The following GFI1B variants were observed in gnomAD, a reference collection of about 807,000 sequenced individuals.
GFI1B encodes the protein zinc finger protein Gfi-1b.
Under a neutral mutation model 35.3 loss-of-function variants are expected in GFI1B, and 20 were observed. The observed-to-expected ratio is 0.57, with a 90% CI of 0.40 to 0.82. The LOEUF (loss-of-function observed/expected upper bound fraction) is 0.82, where lower values mean the gene tolerates loss of function less well. GFI1B is among the 40% of genes least tolerant of loss of function. The pLI is 0.00. For synonymous variants in GFI1B, 178 were observed against 177.6 expected, an observed-to-expected ratio of 1.00 and a Z score of -0.02; for missense variants, 430 against 446.3, an observed-to-expected ratio of 0.96 and a Z score of 0.33.
chr9:132,983,821 G>A (rs917371969), intron 1 of GFI1B, among the ~76,000 whole-genome samples: 33 of 152,222 alleles, frequency 2.2e-4, no homozygotes, highest in Non-Finnish European at 4.1e-4. Flanking sequence ...ATTCTGCACC[G>A]AGTAACTGCC....
upstream of GFI1B, chr9:132,978,393 A>T (rs1008536652): frequency 6.6e-6 from 1 of 152,242 alleles, no homozygotes. Context: ...ATCGAGTTTT[A>T]TAAGTTAGAG....
At chr9:132,958,465 C>A (rs1269839744) in intron 1 of GFI1B, among the ~76,000 whole-genome samples, 1 of 152,126 alleles carries the variant, frequency 6.6e-6, no homozygotes, top group African/African-American at 2.4e-5. Flanking sequence ...ATAGAGAAAG[C>A]AAGAGCAAGA....
At chr9:132,970,007 T>C (rs1848509118) in intron 1 of GFI1B, among the ~76,000 whole-genome samples, 1 of 152,126 alleles carries the variant, frequency 6.6e-6, no homozygotes, top group African/African-American at 2.4e-5. Context: ...CTGGTGTTGA[T>C]TCCCCCACCT....
At chr9:132,983,265 C>T (rs950561186) in intron 1 of GFI1B, among the ~76,000 whole-genome samples, 9 of 138,296 alleles carry the variant, frequency 6.5e-5, no homozygotes, top group African/African-American at 1.7e-4. Flanking sequence ...GGTGTGATCT[C>T]GGCTCACTGC....
chr9:132,950,475 G>C (rs1289550158), intron 1 of GFI1B, among the ~76,000 whole-genome samples: 1 of 151,244 alleles, frequency 6.6e-6, no homozygotes, highest in Non-Finnish European at 1.5e-5. Context: ...GGATAAGAGG[G>C]CCCTTGAAAC....
At chr9:132,957,369 A>T (rs1172341052) in intron 1 of GFI1B, among the ~76,000 whole-genome samples, 1 of 152,260 alleles carries the variant, frequency 6.6e-6, no homozygotes, top group East Asian at 1.9e-4. Context: ...AGCAGCTATG[A>T]GGAGTTGCTA....
At chr9:132,945,812 AGGC>A (rs1412524638) in intron 1 of GFI1B, 9 of 153,802 alleles carry the variant, frequency 5.9e-5, no homozygotes, top group Admixed American at 3.3e-4. Flanking sequence ...AGGCCATTCC[AGGC>A]AGAGGGAACC....
At chr9:132,986,804 T>G in intron 2 of GFI1B, 26 bp downstream of exon 2, 2 of 1,433,928 alleles carry the variant, frequency 1.4e-6, no homozygotes, top group Non-Finnish European at 1.9e-6. Context: ...GGCTGGCGCC[T>G]GCTGCACCCA....
chr9:132,989,988 G>C lies in GFI1B; in HGVS notation c.814+81G>C, dbSNP rs528479020. 18 of 1,249,676 alleles carry C rather than the reference G, an allele frequency of 1.4e-5. No individual in the cohort carries two copies. The highest frequency in any genetic ancestry group is 3.7e-5 in the Admixed American group (2 of 53,422). 77.4% of individuals were successfully genotyped at this position (1,249,676 alleles called of 1,614,324 possible). A position where few individuals can be genotyped will look rare whatever the true frequency, so the allele number is the denominator to read the frequency against. On this transcript the variant is annotated intron_variant, in intron 6 of 6. Transcript: ENST00000372122. The surrounding 1 kb of genome is among the most constrained non-coding windows in gnomAD (Gnocchi z 6.2). Reference sequence around the variant, plus strand: ...GAGAGATGCATCAGAGGCCCCCAGCGTGAGGCTGGGGGCGGGGTCTAGTTA... The same window carrying C: ...GAGAGATGCATCAGAGGCCCCCAGCCTGAGGCTGGGGGCGGGGTCTAGTTA...
chr9:132,969,278 G>T lies in GFI1B; in HGVS notation c.-700-3447G>T, dbSNP rs571124912. On this transcript the variant is annotated intron_variant, in intron 1 of 10. Coordinates refer to the GFI1B transcript ENST00000339463. Reference sequence around the variant, plus strand: ...GCTCCAGACCTCAGGAGATCCGCCTGCCTCAGCCTCCCAAAGTGCTGGGAT... The same window carrying T: ...GCTCCAGACCTCAGGAGATCCGCCTTCCTCAGCCTCCCAAAGTGCTGGGAT... 1.7e-4 allele frequency among the ~76,000 whole-genome samples: 26 copies of T among 152,290 alleles called. No homozygotes were observed. The South Asian group carries it at 5.4e-3, about 32-fold the overall frequency.
In GFI1B at chr9:132,990,955, G is replaced by A; in HGVS notation, c.898G>A (p.Gly300Ser). Reference protein sequence around the residue: ...NLITHSRKHTGFKPFSCELCT... With the variant: ...NLITHSRKHTSFKPFSCELCT... Reference sequence around the variant, plus strand: ...CATCACCCACAGCCGCAAGCACACAGGCTTCAAGCCCTTCAGCTGTGAGCT... The same window carrying A: ...CATCACCCACAGCCGCAAGCACACAAGCTTCAAGCCCTTCAGCTGTGAGCT... The change falls in exon 7 of 7, where the codon GGC (glycine) becomes AGC (serine). Residue 300 changes from glycine (G) to serine (S), a missense_variant. Transcript: ENST00000372122. The A allele has an allele frequency of 6.2e-7, 1 of 1,614,212 alleles. No individual in the cohort carries two copies. Among genetic ancestry groups the A allele is most frequent in the Non-Finnish European group, 8.5e-7 (1 of 1,180,016 alleles).
At chr9:132,965,874 A>C (rs1033090086) in intron 1 of GFI1B, among the ~76,000 whole-genome samples, 3 of 152,260 alleles carry the variant, frequency 2.0e-5, no homozygotes, top group Admixed American at 6.5e-5. Flanking sequence ...CACAGGAGCC[A>C]TAAAATAGAA....
downstream of GFI1B, among the ~76,000 whole-genome samples, chr9:132,992,707 C>G (rs897443915): frequency 6.6e-6 from 1 of 152,098 alleles, no homozygotes; most frequent in Non-Finnish European, 1.5e-5. Context: ...CCTCTGATAC[C>G]GAGCAACTCA....
chr9:132,984,829 A>C (rs1225077559), intron 1 of GFI1B, among the ~76,000 whole-genome samples: 1 of 152,082 alleles, frequency 6.6e-6, no homozygotes, highest in Non-Finnish European at 1.5e-5. Flanking sequence ...GCCAGGGGGA[A>C]GCAGGCCTGG....
Position 132,991,073 on chromosome 9 carries a change from T to TGGCCA in GFI1B, c.*25_*29dup. The TGGCCA allele has an allele frequency of 6.2e-7, 1 of 1,608,012 alleles. No individual in the cohort carries two copies. The highest frequency in any genetic ancestry group is 8.5e-7 in the Non-Finnish European group (1 of 1,177,594). On this transcript the variant is annotated 3_prime_UTR_variant, in exon 7 of 7. Transcript: ENST00000372122. ...TGAGGCTGCGCCGGCTCCCAGCTCC[T>TGGCCA]GGCCAGCCTGCCCTGCGGTCCTGTC...
chr9:132,949,357 A>T lies in GFI1B; in HGVS notation c.-701+3688A>T, dbSNP rs76720749. ...CACACACACATACACACACACACAC[A>T]CCCCCAACCCCCTGATTGGACCTGG... is the stretch of plus-strand genomic sequence containing the variant. On this transcript the variant is annotated intron_variant, in intron 1 of 10. Coordinates refer to the GFI1B transcript ENST00000339463. 3.3e-4 allele frequency among the ~76,000 whole-genome samples: 49 copies of T among 149,896 alleles called. No homozygotes were observed. The East Asian group carries it at 9.2e-3, about 28-fold the overall frequency.
At chr9:132,987,195 C>G (rs1350812331) in intron 2 of GFI1B, 87 bp from the exon 3 acceptor site, 7 of 1,405,074 alleles carry the variant, frequency 5.0e-6, no homozygotes, top group South Asian at 3.7e-5. Context: ...TGGGCCTCCT[C>G]CTCCTAGGAA....
rs1849286721 is a variant in GFI1B at position 132,991,322 on chromosome 9, A to T, written c.*272A>T. 1 of 512,066 alleles carries T rather than the reference A, an allele frequency of 2.0e-6. No individual in the cohort carries two copies. Among genetic ancestry groups the T allele is most frequent in the Non-Finnish European group, 3.6e-6 (1 of 280,400 alleles). The allele number at this position is 512,066 out of a possible 1,614,324, so 31.7% of individuals were successfully genotyped here. ...GTGTGCTCAAGTGCCTTCCTCTAGC[A>T]GAGCACAGAAAGCTAGAATACCCCC... On this transcript the variant is annotated 3_prime_UTR_variant, in exon 7 of 7. Coordinates refer to ENST00000372122, the MANE Select transcript of GFI1B (RefSeq NM_001377304.1).
At chr9:132,983,832 C>T (rs1315728640) in intron 1 of GFI1B, among the ~76,000 whole-genome samples, 2 of 152,236 alleles carry the variant, frequency 1.3e-5, no homozygotes, top group African/African-American at 4.8e-5. Context: ...AGTAACTGCC[C>T]ACCTGCTGGG....
Sources: allele counts gnomAD v4.1 joint callset (sites outside exome capture counted in the v4.1 genomes callset), GRCh38; gene constraint gnomAD v4.1.1; non-coding constraint Gnocchi (gnomAD v3.1); transcripts MANE v1.5; gene names NCBI Gene and HGNC (gene_info 2026-07-23, HGNC 2026-07-21).